Variants in CATSPERQ observed in about 807,000 individuals in gnomAD.
CATSPERQ encodes the protein cation channel sperm-associated auxiliary subunit theta.
chr8:144,353,428 G>T, the CATSPERQ span: 34 of 1,535,796 alleles, frequency 2.2e-5, no homozygotes, highest in Admixed American at 6.1e-4. Flanking sequence ...GCGCCAGGGG[G>T]TGGCCAGTGG....
chr8:144,354,340 G>A, the CATSPERQ span: 3 of 1,532,546 alleles, frequency 2.0e-6, no homozygotes, highest in East Asian at 7.3e-5. The surrounding 1 kb of genome is among the most constrained non-coding windows in gnomAD (Gnocchi z 4.6). Flanking sequence ...GACTGGGGGT[G>A]GCGCGGCGCG....
the CATSPERQ span, chr8:144,353,629 C>T: frequency 1.2e-4 from 172 of 1,460,178 alleles, no homozygotes; most frequent in Non-Finnish European, 1.4e-4. Context: ...CCGTCCTGCC[C>T]GAAGCCCCGG....
At chr8:144,354,000 C>T in the CATSPERQ span, 1 of 1,534,976 alleles carries the variant, frequency 6.5e-7, no homozygotes, top group Non-Finnish European at 8.7e-7. Context: ...GCAAGGGGCC[C>T]TGGCACACGG....
chr8:144,354,578 AGCCCCGCCCC>A, the CATSPERQ span: 663 of 222,630 alleles, frequency 3.0e-3, 1 homozygote, highest in Middle Eastern at 9.3e-3. The surrounding 1 kb of genome is among the most constrained non-coding windows in gnomAD (Gnocchi z 4.6). Flanking sequence ...CGCCCTTCCC[AGCCCCGCCCC>A]GCCCCGCCCC....
chr8:144,354,384 T>A, the CATSPERQ span: 4 of 1,501,270 alleles, frequency 2.7e-6, no homozygotes, highest in Non-Finnish European at 3.6e-6. This position sits in a 1 kb window ranked among gnomAD's most constrained non-coding sequence, Gnocchi z 4.6. Flanking sequence ...CAGCCGGGGG[T>A]GGCGGTGCCA....
the CATSPERQ span, chr8:144,353,519 T>C: frequency 1.9e-4 from 285 of 1,533,788 alleles, no homozygotes; most frequent in Non-Finnish European, 1.8e-4. Context: ...GGCCCAAGTA[T>C]TCCATTTGCT....
chr8:144,353,537 C>G, the CATSPERQ span: 1 of 1,529,368 alleles, frequency 6.5e-7, no homozygotes, highest in South Asian at 1.2e-5. Flanking sequence ...GCTGTGGGAG[C>G]AGGTGGCGCT....
the CATSPERQ span, chr8:144,354,220 G>A: frequency 1.3e-6 from 2 of 1,546,434 alleles, no homozygotes; most frequent in Non-Finnish European, 1.7e-6. This position sits in a 1 kb window ranked among gnomAD's most constrained non-coding sequence, Gnocchi z 4.6. Context: ...GTGGGGGTCG[G>A]GCCCAGGGGC....
At chr8:144,353,933 C>T in the CATSPERQ span, 38 of 1,527,600 alleles carry the variant, frequency 2.5e-5, no homozygotes, top group African/African-American at 1.4e-5. Context: ...CCGTCCCTGG[C>T]GCACCCTCCC....
At chr8:144,354,166 G>A in the CATSPERQ span, 8 of 1,537,382 alleles carry the variant, frequency 5.2e-6, no homozygotes, top group Non-Finnish European at 7.0e-6. The surrounding 1 kb of genome is among the most constrained non-coding windows in gnomAD (Gnocchi z 4.6). Context: ...GCGCCACGCG[G>A]AGAGTCTGAG....
chr8:144,354,931 CAGGG>C, the CATSPERQ span: 2 of 1,143,264 alleles, frequency 1.7e-6, no homozygotes, highest in Non-Finnish European at 1.2e-6. This position sits in a 1 kb window ranked among gnomAD's most constrained non-coding sequence, Gnocchi z 4.6. Flanking sequence ...GGGAGCGGCC[CAGGG>C]TGGACCGCGG....
the CATSPERQ span, chr8:144,353,450 C>A: frequency 6.5e-7 from 1 of 1,535,940 alleles, no homozygotes; most frequent in South Asian, 1.2e-5. Flanking sequence ...GAACCACGTG[C>A]CGGTAGGAGG....
chr8:144,354,693 G>A, the CATSPERQ span: 2 of 1,535,600 alleles, frequency 1.3e-6, no homozygotes, highest in Non-Finnish European at 1.7e-6. This position sits in a 1 kb window ranked among gnomAD's most constrained non-coding sequence, Gnocchi z 4.6. Context: ...CCGGGCAGGT[G>A]AGTCCTAGGA....
At chr8:144,354,684 C>T in the CATSPERQ span, 15 of 1,535,466 alleles carry the variant, frequency 9.8e-6, no homozygotes, top group African/African-American at 1.4e-5. The surrounding 1 kb of genome is among the most constrained non-coding windows in gnomAD (Gnocchi z 4.6). Context: ...GGTGGCGCTC[C>T]GGGCAGGTGA....
chr8:144,353,418 G>A, the CATSPERQ span: 3 of 1,535,916 alleles, frequency 2.0e-6, no homozygotes, highest in South Asian at 1.2e-5. Context: ...CACAGTGCCA[G>A]CGCCAGGGGG....
chr8:144,353,705 C>T, the CATSPERQ span: 3 of 1,518,602 alleles, frequency 2.0e-6, no homozygotes, highest in Non-Finnish European at 2.6e-6. Flanking sequence ...CGGAAACGGC[C>T]CCACCCAAAG....
At chr8:144,353,329 G>A in the CATSPERQ span, 1 of 1,521,064 alleles carries the variant, frequency 6.6e-7, no homozygotes, top group Non-Finnish European at 8.8e-7. Context: ...CAGTCCCGAG[G>A]TGGGGGAGGC....
At chr8:144,353,661 C>A in the CATSPERQ span, 1 of 1,462,646 alleles carries the variant, frequency 6.8e-7, no homozygotes, top group South Asian at 1.2e-5. Flanking sequence ...CGGCCCCCAG[C>A]ACCGAAGACC....
At chr8:144,353,896 G>T in the CATSPERQ span, 2 of 1,529,724 alleles carry the variant, frequency 1.3e-6, no homozygotes, top group Non-Finnish European at 1.8e-6. Flanking sequence ...CAGCCTGGCC[G>T]CCCCTCCGAC....
Sources: allele counts gnomAD v4.1 joint callset, GRCh38; gene constraint gnomAD v4.1.1; non-coding constraint Gnocchi (gnomAD v3.1); transcripts MANE v1.5; gene names NCBI Gene and HGNC (gene_info 2026-07-23, HGNC 2026-07-21).